The following LIN52 variants were observed in gnomAD, a reference collection of about 807,000 sequenced individuals.
LIN52 encodes lin-52 DREAM MuvB core complex component, also known as protein lin-52 homolog.
Under a neutral mutation model 18.5 loss-of-function variants are expected in LIN52, and 4 were observed. The observed-to-expected ratio is 0.22, with a 90% CI of 0.11 to 0.49. The LOEUF (loss-of-function observed/expected upper bound fraction) is 0.49, where lower values mean the gene tolerates loss of function less well. Among genes scored for constraint, LIN52 ranks in the 20% least tolerant of loss-of-function variants. The pLI, the probability that LIN52 is intolerant of heterozygous loss-of-function variation, is 0.97. For synonymous variants in LIN52, 34 were observed against 45.5 expected, an observed-to-expected ratio of 0.75 and a Z score of 1.02; for missense variants, 102 against 139.5, an observed-to-expected ratio of 0.73 and a Z score of 1.35.
At chr14:74,166,053 G>A (rs996682348) in intron 5 of LIN52, among the ~76,000 whole-genome samples, 2 of 150,854 alleles carry the variant, frequency 1.3e-5, no homozygotes, top group African/African-American at 2.4e-5. Flanking sequence ...CACCATTCCC[G>A]GCTAATTTTG....
At chr14:74,106,814 A>G (rs1293723686) in intron 5 of LIN52, among the ~76,000 whole-genome samples, 2 of 151,880 alleles carry the variant, frequency 1.3e-5, no homozygotes, top group Non-Finnish European at 1.5e-5. Context: ...CTGGTCTCGA[A>G]CTTCTGTCCT....
intron 5 of LIN52, among the ~76,000 whole-genome samples, chr14:74,170,533 T>C (rs1022315979): frequency 2.0e-5 from 3 of 152,184 alleles, no homozygotes; most frequent in African/African-American, 7.2e-5. Flanking sequence ...ATAATTTTTA[T>C]TGAGGTGAAC....
At chr14:74,150,029 C>G (rs929106229) in intron 5 of LIN52, among the ~76,000 whole-genome samples, 8 of 152,118 alleles carry the variant, frequency 5.3e-5, no homozygotes, top group Non-Finnish European at 8.8e-5. Flanking sequence ...AAAAGATTGT[C>G]CCCCTGCTGA....
chr14:74,102,243 A>G (rs1164086047), intron 5 of LIN52, among the ~76,000 whole-genome samples: 1 of 152,174 alleles, frequency 6.6e-6, no homozygotes, highest in Non-Finnish European at 1.5e-5. Context: ...ACTCTGTCTC[A>G]AAAACAAGAA....
At chr14:74,160,516 T>C (rs2061219615) in intron 5 of LIN52, among the ~76,000 whole-genome samples, 1 of 152,218 alleles carries the variant, frequency 6.6e-6, no homozygotes, top group Non-Finnish European at 1.5e-5. Flanking sequence ...GATTTCATGA[T>C]CATTAGGTGA....
intron 5 of LIN52, among the ~76,000 whole-genome samples, chr14:74,137,335 A>T (rs982559494): frequency 6.7e-4 from 101 of 151,556 alleles, no homozygotes; most frequent in African/African-American, 1.8e-3. Context: ...AAAATAATTT[A>T]AAAAATCTAA....
chr14:74,121,338 A>G (rs1387995996), intron 5 of LIN52, among the ~76,000 whole-genome samples: 1 of 152,144 alleles, frequency 6.6e-6, no homozygotes, highest in Non-Finnish European at 1.5e-5. Context: ...TTCTTATACC[A>G]CTAGCCATAA....
intron 5 of LIN52, among the ~76,000 whole-genome samples, chr14:74,140,911 G>A (rs2061126884): frequency 6.6e-6 from 1 of 151,936 alleles, no homozygotes; most frequent in African/African-American, 2.4e-5. Context: ...TTTCTGTTTT[G>A]TAATACCGTT....
intron 5 of LIN52, among the ~76,000 whole-genome samples, chr14:74,152,149 G>C (rs983705702): frequency 6.6e-6 from 1 of 151,772 alleles, no homozygotes; most frequent in African/African-American, 2.4e-5. Context: ...TGTAATCCCA[G>C]CTACTCGGGA....
At chr14:74,142,875 C>T (rs1480764362) in intron 5 of LIN52, among the ~76,000 whole-genome samples, 6 of 146,688 alleles carry the variant, frequency 4.1e-5, no homozygotes, top group African/African-American at 1.3e-4. Context: ...CACATTCAGT[C>T]TGTTTGGTTC....
intron 5 of LIN52, among the ~76,000 whole-genome samples, chr14:74,131,644 T>C (rs1350037375): frequency 6.6e-6 from 1 of 152,220 alleles, no homozygotes; most frequent in East Asian, 1.9e-4. Flanking sequence ...TACATGCCGA[T>C]TTTATAGCTG....
chr14:74,101,351 A>G, intron 5 of LIN52, 113 bp downstream of exon 5: 1 of 616,578 alleles, frequency 1.6e-6, no homozygotes. Flanking sequence ...AAAGTATATT[A>G]GGGAAAAGAG....
intron 5 of LIN52, among the ~76,000 whole-genome samples, chr14:74,175,043 A>ATAATAATAATAATAT (rs1477002645): frequency 1.6e-4 from 24 of 147,994 alleles, no homozygotes; most frequent in African/African-American, 5.5e-4. Context: ...AATAATAATA[A>ATAATAATAATAATAT]TGTACACCTG....
chr14:74,146,781 T>C lies in LIN52; in HGVS notation c.283+45543T>C, dbSNP rs539289084. On this transcript the variant is annotated intron_variant, in intron 5 of 5. Coordinates refer to ENST00000555028, the MANE Select transcript of LIN52 (RefSeq NM_001024674.3). ...TACACTTCCCAGTCTCAAAACCTAC[T>C]ACAAAATTACAGTAATTAAGACAGT... 2.6e-5 allele frequency among the ~76,000 whole-genome samples: 4 copies of C among 152,224 alleles called. No homozygotes were observed. In the South Asian group the frequency reaches 6.2e-4, roughly 24 times the overall value.
chr14:74,094,710 A>G (rs1162329068), intron 2 of LIN52, among the ~76,000 whole-genome samples: 1 of 151,132 alleles, frequency 6.6e-6, no homozygotes, highest in Non-Finnish European at 1.5e-5. Context: ...TTCATTTTAC[A>G]TTTCCTTTTT....
chr14:74,113,039 G>A (rs1369075642), intron 5 of LIN52, among the ~76,000 whole-genome samples: 1 of 152,164 alleles, frequency 6.6e-6, no homozygotes, highest in Non-Finnish European at 1.5e-5. Context: ...AAGGCAATTA[G>A]TGATGTCTGT....
At chr14:74,124,810 CAAAAAAAAA>C (rs5809648) in intron 5 of LIN52, among the ~76,000 whole-genome samples, 1 of 59,442 alleles carries the variant, frequency 1.7e-5, no homozygotes, top group Non-Finnish European at 3.1e-5. Flanking sequence ...GACCCTGTCT[CAAAAAAAAA>C]AAAAAAAAAA....
At chr14:74,118,516 G>C (rs1482722137) in intron 5 of LIN52, among the ~76,000 whole-genome samples, 1 of 152,210 alleles carries the variant, frequency 6.6e-6, no homozygotes, top group Non-Finnish European at 1.5e-5. Flanking sequence ...GCTCATGCCT[G>C]TGATCCCAGC....
At chr14:74,150,583 T>G (rs2139555014) in intron 5 of LIN52, among the ~76,000 whole-genome samples, 1 of 152,302 alleles carries the variant, frequency 6.6e-6, no homozygotes, top group East Asian at 1.9e-4. Context: ...TGGTAATGAT[T>G]CTCTATGTAC....
Sources: gnomAD v4.1 joint callset for allele counts (sites outside exome capture counted in the v4.1 genomes callset) on GRCh38, gnomAD v4.1.1 for gene constraint, MANE v1.5 for transcripts, NCBI Gene and HGNC (gene_info 2026-07-23, HGNC 2026-07-21) for gene names.